Variants in DNAJC10 observed in about 807,000 individuals in gnomAD.
The protein encoded by DNAJC10 is endoplasmic reticulum disulfide reductase DNAJC10.
A neutral mutation model predicts 115.0 loss-of-function variants in DNAJC10; 101 were observed. The observed-to-expected ratio is 0.88, with a 90% CI of 0.75 to 1.04. The LOEUF is 1.04. Ranked by LOEUF, DNAJC10 falls within the 50% of genes least tolerant of loss-of-function variation. The pLI is 0.00. For missense variants in DNAJC10, 981 were observed against 928.8 expected (o/e 1.06, Z -0.73); for synonymous variants, 307 against 301.5 (o/e 1.02, Z -0.19).
intron 13 of DNAJC10, among the ~76,000 whole-genome samples, chr2:182,742,634 C>G (rs1167855518): frequency 6.6e-6 from 1 of 152,224 alleles, no homozygotes; most frequent in Non-Finnish European, 1.5e-5. Flanking sequence ...CACCATGGTA[C>G]TATCGTTCTT....
intron 10 of DNAJC10, among the ~76,000 whole-genome samples, chr2:182,733,825 A>G (rs577462640): frequency 8.3e-4 from 124 of 150,254 alleles, no homozygotes; most frequent in African/African-American, 2.9e-3. Context: ...AGATAGATAG[A>G]TAGATTTTCT....
At chr2:182,747,134 C>T (rs1351378144) in intron 14 of DNAJC10, among the ~76,000 whole-genome samples, 3 of 151,604 alleles carry the variant, frequency 2.0e-5, no homozygotes, top group Non-Finnish European at 4.4e-5. Flanking sequence ...GTTACTGTAG[C>T]CTTGTAGTAT....
At chr2:182,743,454 TTCTG>T (rs1230366474) in intron 13 of DNAJC10, 140 bp from the exon 14 acceptor site, 2 of 606,268 alleles carry the variant, frequency 3.3e-6, no homozygotes, top group African/African-American at 3.8e-5. Context: ...AATGAATTAT[TTCTG>T]TCTCTTATTT....
chr2:182,734,601 A>G (rs751493420), intron 10 of DNAJC10, among the ~76,000 whole-genome samples: 3 of 151,836 alleles, frequency 2.0e-5, no homozygotes, highest in Non-Finnish European at 4.4e-5. Context: ...TATGTTAATC[A>G]GATCCTCTAG....
At chr2:182,721,375 TTTG>T (rs1693146630) in intron 4 of DNAJC10, among the ~76,000 whole-genome samples, 1 of 152,138 alleles carries the variant, frequency 6.6e-6, no homozygotes, top group Non-Finnish European at 1.5e-5. Context: ...ATTACTTTAA[TTTG>T]TTTACATAAT....
At chr2:182,738,840 G>A (rs750901599) in intron 11 of DNAJC10, among the ~76,000 whole-genome samples, 8 of 151,992 alleles carry the variant, frequency 5.3e-5, no homozygotes, top group African/African-American at 9.7e-5. Context: ...GCACCTGGCC[G>A]CATTCAGGTT....
At chr2:182,762,904 T>G in intron 22 of DNAJC10, 103 bp downstream of exon 22, 1 of 1,284,044 alleles carries the variant, frequency 7.8e-7, no homozygotes. Flanking sequence ...TCCTTGTCAT[T>G]TTTTTATATT....
chr2:182,770,826 C>G (rs966493325), intron 22 of DNAJC10, among the ~76,000 whole-genome samples: 4 of 152,106 alleles, frequency 2.6e-5, no homozygotes, highest in African/African-American at 9.7e-5. Flanking sequence ...TTGCCCTGGC[C>G]AGAACTTCCA....
At position 182,775,348 on chromosome 2, in the gene DNAJC10, A is replaced by G. The variant is rs1694678060; in HGVS notation, c.2298A>G (p.Arg766=). 6.2e-7 allele frequency: 1 copy of G among 1,612,412 alleles called. No homozygotes were observed. The highest frequency in any genetic ancestry group is 1.3e-5 in the African/African-American group (1 of 74,902). The change falls in exon 23 of 24, where the codon AGA becomes AGG. Residue 766 remains arginine, a synonymous_variant. Coordinates refer to ENST00000264065, the MANE Select transcript of DNAJC10 (RefSeq NM_018981.4). The part of the protein sequence containing the change: ...RNFQEEQINT[R]DAKAIAALIS... Reference sequence around the variant, plus strand: ...TTCAAGAAGAGCAGATAAATACCAGAGATGCAAAAGCAATCGCTGCCTTAA... The same window carrying G: ...TTCAAGAAGAGCAGATAAATACCAGGGATGCAAAAGCAATCGCTGCCTTAA...
rs978225302 is a variant in DNAJC10 at position 182,785,596 on chromosome 2, G to A, written c.*8464G>A. The A allele has an allele frequency of 2.6e-5, 4 of 151,970 alleles. No individual in the cohort carries two copies. Among genetic ancestry groups the A allele is most frequent in the East Asian group, 3.9e-4 (2 of 5,186 alleles). The allele number at this position is 151,970 out of a possible 1,614,324, so 9.4% of individuals were successfully genotyped here. ...ACAAATCAATGTGCAGGCAAGAATC[G>A]GGAATGTGGGAAATTTTGTAGGACA... On this transcript the variant is annotated 3_prime_UTR_variant, in exon 24 of 24. Coordinates refer to ENST00000264065, the MANE Select transcript of DNAJC10 (RefSeq NM_018981.4).
intron 8 of DNAJC10, 77 bp downstream of exon 8, chr2:182,730,018 C>T: frequency 1.1e-6 from 1 of 908,186 alleles, no homozygotes; most frequent in African/African-American, 1.7e-5. Flanking sequence ...GCAATATTAA[C>T]ATTTTGGTCA....
intron 16 of DNAJC10, among the ~76,000 whole-genome samples, chr2:182,754,174 T>C (rs1694099389): frequency 6.6e-6 from 1 of 152,248 alleles, no homozygotes; most frequent in African/African-American, 2.4e-5. Flanking sequence ...AACACATAGT[T>C]AAATTTTAGC....
chr2:182,793,478 GA>G lies in DNAJC10; in HGVS notation c.*16348del, dbSNP rs1441031332. ...ATCCATCAGGCAGCACTGAGAACCA[GA>G]AGACATTCAGAGAGCTCTGCTTTGC... On this transcript the variant is annotated 3_prime_UTR_variant, in exon 24 of 24. Coordinates refer to ENST00000264065, the MANE Select transcript of DNAJC10 (RefSeq NM_018981.4). The G allele has an allele frequency of 3.3e-5, 5 of 152,128 alleles. No homozygotes were observed. The highest frequency in any genetic ancestry group is 2.6e-4 in the Admixed American group (4 of 15,256). 9.4% of individuals were successfully genotyped at this position (152,128 alleles called of 1,614,324 possible).
intron 15 of DNAJC10, 57 bp from the exon 16 acceptor site, chr2:182,752,015 T>C: frequency 1.5e-6 from 2 of 1,376,394 alleles, no homozygotes; most frequent in Non-Finnish European, 2.1e-6. Flanking sequence ...GCAGAAATGA[T>C]GGGGGGGTTT....
chr2:182,728,481 T>A, intron 5 of DNAJC10, 95 bp from the exon 6 acceptor site: 10 of 757,274 alleles, frequency 1.3e-5, no homozygotes, highest in Non-Finnish European at 2.1e-5. Flanking sequence ...TGCATGACTT[T>A]TTAAAATTCT....
chr2:182,770,651 T>G (rs1244803464), intron 22 of DNAJC10, among the ~76,000 whole-genome samples: 1 of 152,216 alleles, frequency 6.6e-6, no homozygotes, highest in African/African-American at 2.4e-5. Flanking sequence ...TTTTGCACAT[T>G]GATTTTGTAT....
intron 5 of DNAJC10, among the ~76,000 whole-genome samples, chr2:182,725,071 G>A (rs750792504): frequency 6.6e-6 from 1 of 151,934 alleles, no homozygotes; most frequent in Admixed American, 6.6e-5. Context: ...TCACATTTTG[G>A]TATCCAAACT....
intron 22 of DNAJC10, among the ~76,000 whole-genome samples, chr2:182,772,421 A>C (rs1694590136): frequency 6.6e-6 from 1 of 152,174 alleles, no homozygotes; most frequent in African/African-American, 2.4e-5. Context: ...GTGGTGTTAA[A>C]GTCTCCCATT....
At chr2:182,743,748 C>T in intron 14 of DNAJC10, 36 bp downstream of exon 14, 1 of 1,414,774 alleles carries the variant, frequency 7.1e-7, no homozygotes, top group Non-Finnish European at 9.8e-7. Flanking sequence ...AAAAACTTAG[C>T]TTCATTTTCA....
Sources: gnomAD v4.1 joint callset for allele counts (sites outside exome capture counted in the v4.1 genomes callset) on GRCh38, gnomAD v4.1.1 for gene constraint, MANE v1.5 for transcripts, NCBI Gene and HGNC (gene_info 2026-07-23, HGNC 2026-07-21) for gene names.